Variants in SLF1 observed in about 807,000 individuals in gnomAD.
SLF1 encodes the protein SMC5-SMC6 complex localization factor protein 1.
SLF1 carries 105 observed loss-of-function variants against 123.0 expected under a neutral mutation model. The ratio of observed to expected loss-of-function variants is 0.85; its 90% confidence interval spans 0.73 to 1.00. The LOEUF is 1.00. Ranked by LOEUF, SLF1 falls within the 50% of genes least tolerant of loss-of-function variation. The probability of loss-of-function intolerance (pLI) is 0.00; values close to 1 mark genes in which losing one functional copy is unlikely to be tolerated. For missense variants in SLF1, 1,239 were observed against 1,223.0 expected (o/e 1.01, Z -0.20); for synonymous variants, 434 against 406.6 (o/e 1.07, Z -0.81).
intron 14 of SLF1, among the ~76,000 whole-genome samples, chr5:94,675,062 G>A (rs1335050206): frequency 3.3e-5 from 5 of 152,348 alleles, no homozygotes; most frequent in Non-Finnish European, 7.3e-5. Flanking sequence ...GAGGCACAGT[G>A]TGTGCTTTAT....
chr5:94,664,672 CT>C (rs5869633), intron 11 of SLF1, among the ~76,000 whole-genome samples: 33,880 of 152,098 alleles, frequency 0.22, 3,901 homozygotes, highest in East Asian at 0.34. Context: ...TAGTTTGTTA[CT>C]TTTAGTTCCT....
chr5:94,689,517 AAAAG>A lies in SLF1; in HGVS notation c.2333_2336del (p.Lys778SerfsTer16). On this transcript the variant is annotated frameshift_variant, in exon 18 of 21. Coordinates refer to ENST00000265140, the MANE Select transcript of SLF1 (RefSeq NM_032290.4). LOFTEE classifies it high-confidence loss of function. The stretch of plus-strand genomic sequence containing the variant: ...TGTTCCTCATCATTAAAAAAATTGA[AAAAG>A]AAGTCAGAAGGAGAATTGTCATGTT... 6.2e-7 allele frequency: 1 copy of A among 1,612,708 alleles called. No homozygotes were observed. The highest frequency in any genetic ancestry group is 8.5e-7 in the Non-Finnish European group (1 of 1,179,110).
intron 4 of SLF1, among the ~76,000 whole-genome samples, chr5:94,637,864 G>A (rs1745993190): frequency 6.6e-6 from 1 of 152,116 alleles, no homozygotes; most frequent in Non-Finnish European, 1.5e-5. Flanking sequence ...TGGCATGAAT[G>A]TTGAGGCTGC....
At chr5:94,649,706 T>G (rs1282016429) in intron 6 of SLF1, 109 bp downstream of exon 6, 1 of 1,050,538 alleles carries the variant, frequency 9.5e-7, no homozygotes, top group African/African-American at 1.6e-5. Context: ...GGCTGGTGTT[T>G]GAACCATGTG....
At chr5:94,686,487 G>T in intron 15 of SLF1, 86 bp from the exon 16 acceptor site, 2 of 1,433,670 alleles carry the variant, frequency 1.4e-6, no homozygotes, top group East Asian at 2.3e-5. Flanking sequence ...TCATTTGACA[G>T]AATAAACTTC....
In SLF1 at chr5:94,629,106, T is replaced by C. The variant is rs1200293691; in HGVS notation, c.129T>C (p.Cys43=). The change falls in exon 3 of 21, where the codon TGT becomes TGC. Residue 43 remains cysteine, a synonymous_variant. Coordinates refer to ENST00000265140, the MANE Select transcript of SLF1 (RefSeq NM_032290.4). The part of the protein sequence containing the change: ...TFIKSEKYKN[C]THLIAERLCK... ...TTTCCCTCCAGAAATACAAAAATTG[T>C]ACACATCTTATAGCTGAACGCCTAT... 6.5e-7 allele frequency: 1 copy of C among 1,544,050 alleles called. No individual in the cohort carries two copies. The highest frequency in any genetic ancestry group is 8.7e-7 in the Non-Finnish European group (1 of 1,143,934).
chr5:94,651,573 T>C, intron 6 of SLF1, 129 bp from the exon 7 acceptor site: 1 of 620,390 alleles, frequency 1.6e-6, no homozygotes. Context: ...CTTTACTCTA[T>C]TTAACCTTGT....
chr5:94,688,793 AT>A, intron 17 of SLF1, 124 bp downstream of exon 17: 1 of 1,015,742 alleles, frequency 9.8e-7, no homozygotes. Context: ...TCAAAACTCA[AT>A]TTTAGATCTA....
intron 5 of SLF1, among the ~76,000 whole-genome samples, chr5:94,647,180 G>C (rs1339516356): frequency 6.6e-6 from 1 of 152,118 alleles, no homozygotes; most frequent in Non-Finnish European, 1.5e-5. Flanking sequence ...TTTGTAGGTA[G>C]TTAAAAAATA....
At chr5:94,687,528 C>G (rs1264601788) in intron 16 of SLF1, among the ~76,000 whole-genome samples, 1 of 152,010 alleles carries the variant, frequency 6.6e-6, no homozygotes, top group African/African-American at 2.4e-5. Flanking sequence ...AATACTCTGT[C>G]TCTAAAAAAA....
At chr5:94,626,567 C>G (rs1792266469) in intron 1 of SLF1, among the ~76,000 whole-genome samples, 1 of 152,088 alleles carries the variant, frequency 6.6e-6, no homozygotes, top group Non-Finnish European at 1.5e-5. Context: ...ATGCAAAAAT[C>G]AGATAAATTG....
At chr5:94,621,392 T>C (rs947468086) in intron 1 of SLF1, among the ~76,000 whole-genome samples, 1 of 152,164 alleles carries the variant, frequency 6.6e-6, no homozygotes, top group Non-Finnish European at 1.5e-5. Context: ...ATAGCACTTA[T>C]GTTGTGAAGA....
At chr5:94,693,868 T>TA (rs1753302196) in intron 20 of SLF1, among the ~76,000 whole-genome samples, 1 of 151,800 alleles carries the variant, frequency 6.6e-6, no homozygotes, top group Admixed American at 6.6e-5. Flanking sequence ...AATTATACAT[T>TA]AATCATATTA....
chr5:94,653,580 A>G (rs1748004893), intron 8 of SLF1, among the ~76,000 whole-genome samples, 159 bp downstream of exon 8: 1 of 152,198 alleles, frequency 6.6e-6, no homozygotes, highest in Non-Finnish European at 1.5e-5. Flanking sequence ...TTCACAGTAA[A>G]TGTACTTGTA....
chr5:94,667,674 G>A (rs1489201246), intron 12 of SLF1, among the ~76,000 whole-genome samples: 1 of 152,174 alleles, frequency 6.6e-6, no homozygotes, highest in African/African-American at 2.4e-5. Context: ...TTTCTTGAAT[G>A]TGTCCAATAG....
chr5:94,683,992 A>G (rs1030449988), intron 15 of SLF1, among the ~76,000 whole-genome samples: 5 of 152,066 alleles, frequency 3.3e-5, no homozygotes, highest in African/African-American at 1.2e-4. Context: ...TCTCTTGTTC[A>G]TCTATTATTT....
At chr5:94,656,634 T>C (rs566398234) in intron 9 of SLF1, among the ~76,000 whole-genome samples, 19 of 152,114 alleles carry the variant, frequency 1.2e-4, no homozygotes, top group African/African-American at 4.6e-4. Context: ...TTTTATTTGT[T>C]GTGAGAGTTT....
At chr5:94,663,981 G>A (rs571387162) in intron 11 of SLF1, 73 bp downstream of exon 11, 2 of 1,343,354 alleles carry the variant, frequency 1.5e-6, no homozygotes, top group Non-Finnish European at 2.0e-6. Context: ...CTCACTTTTT[G>A]TATGTTTACA....
intron 12 of SLF1, among the ~76,000 whole-genome samples, chr5:94,668,202 G>A (rs868268064): frequency 3.3e-5 from 5 of 151,492 alleles, no homozygotes; most frequent in African/African-American, 9.7e-5. Context: ...GTGCAGTGGC[G>A]GGATCATAGC....
Sources: gnomAD v4.1 joint callset for allele counts (sites outside exome capture counted in the v4.1 genomes callset) on GRCh38, gnomAD v4.1.1 for gene constraint, MANE v1.5 for transcripts, NCBI Gene and HGNC (gene_info 2026-07-23, HGNC 2026-07-21) for gene names.